CARD10: variants seen among roughly 807,000 people sequenced by gnomAD.
The protein encoded by CARD10 is caspase recruitment domain family member 10, also known as caspase recruitment domain-containing protein 10.
In CARD10, 49 loss-of-function variants were observed where a neutral mutation model predicts 114.6. The observed-to-expected ratio is 0.43, with a 90% confidence interval of 0.34 to 0.54. The LOEUF (loss-of-function observed/expected upper bound fraction) is 0.54. CARD10 is among the 20% of genes least tolerant of loss of function. CARD10 has a pLI of 0.03. For missense variants in CARD10, 1,206 were observed against 1,397.2 expected, an observed-to-expected ratio of 0.86 and a Z score of 2.18; for synonymous variants, 602 against 593.2, an observed-to-expected ratio of 1.01 and a Z score of -0.21.
rs2145755506 is a variant in CARD10 at position 37,496,995 on chromosome 22, C to G, written c.1947+24G>C. 6.3e-7 allele frequency: 1 copy of G among 1,582,614 alleles called. No homozygotes were observed. Among genetic ancestry groups the G allele is most frequent in the Non-Finnish European group, 8.6e-7 (1 of 1,165,862 alleles). On this transcript the variant is annotated intron_variant, in intron 12 of 19. Coordinates refer to ENST00000251973, the MANE Select transcript of CARD10 (RefSeq NM_014550.4). The surrounding 1 kb of genome is among the most constrained non-coding windows in gnomAD (Gnocchi z 4.1). The stretch of plus-strand genomic sequence containing the variant: ...GGGCAAAAGCACTGACCCTACCCCC[C>G]CAGCTCAGGAGGCAGGGCCTCACCT...
At position 37,496,399 on chromosome 22, in the gene CARD10, T is replaced by C; in HGVS notation, c.2059+50A>G. 7.2e-7 allele frequency: 1 copy of C among 1,380,180 alleles called. No individual in the cohort carries two copies. Among genetic ancestry groups the C allele is most frequent in the Non-Finnish European group, 1.0e-6 (1 of 975,894 alleles). 85.5% of individuals were successfully genotyped at this position (1,380,180 alleles called of 1,614,324 possible). ...CCCTCCCCACCCCATGCACCACGGG[T>C]TAGAGGACCCCTCTGGGGCCAACAG... is the stretch of plus-strand genomic sequence containing the variant. On this transcript the variant is annotated intron_variant, in intron 13 of 19. Coordinates refer to ENST00000251973, the MANE Select transcript of CARD10 (RefSeq NM_014550.4). This position sits in a 1 kb window ranked among gnomAD's most constrained non-coding sequence, Gnocchi z 4.1.
intron 11 of CARD10, among the ~76,000 whole-genome samples, chr22:37,498,472 G>C (rs1418093675): frequency 6.6e-6 from 1 of 152,230 alleles, no homozygotes; most frequent in African/African-American, 2.4e-5. Context: ...TGGCTGGAGA[G>C]GCAGCGGGGC....
rs1290797343 is a variant in CARD10 at position 37,519,289 on chromosome 22, G to C, written c.-89C>G. 7.4e-7 allele frequency: 1 copy of C among 1,360,162 alleles called. No homozygotes were observed. Among genetic ancestry groups the C allele is most frequent in the Non-Finnish European group, 9.4e-7 (1 of 1,059,838 alleles). The allele number at this position is 1,360,162 out of a possible 1,614,324, so 84.3% of individuals were successfully genotyped here. A position where few individuals can be genotyped will look rare whatever the true frequency, so the allele number is the denominator to read the frequency against. ...AGATGTGCGGCCAAGCACCCCCGGG[G>C]CGTCGTCCGCAGACCCGCCGTCGGG... On this transcript the variant is annotated 5_prime_UTR_variant, in exon 1 of 20. Transcript: ENST00000251973. This position sits in a 1 kb window ranked among gnomAD's most constrained non-coding sequence, Gnocchi z 4.1.
chr22:37,496,515 C>T lies in CARD10; in HGVS notation c.1993G>A (p.Glu665Lys), dbSNP rs780670759. 2.7e-5 allele frequency: 43 copies of T among 1,613,764 alleles called. No individual in the cohort carries two copies. Among genetic ancestry groups the T allele is most frequent in the Non-Finnish European group, 3.1e-5 (36 of 1,179,944 alleles). ...CAGAGCAAGGTTCTCTGCTGGGCCT[C>T]GGCTTCCAGGCACGCCCCCTCCAGA... The part of the protein sequence containing the change: ...AGLEGACLEA[E>K]AQQRTLLWNQ... The change falls in exon 13 of 20, where the codon GAG (glutamate) becomes AAG (lysine). Residue 665 changes from glutamate to lysine, a missense_variant. This residue lies in a region of CARD10 where 1,068 missense variants were observed against 1,179.1 expected (regional missense o/e 0.91). Transcript: ENST00000251973. The surrounding 1 kb of genome is among the most constrained non-coding windows in gnomAD (Gnocchi z 4.1).
intron 11 of CARD10, among the ~76,000 whole-genome samples, chr22:37,499,828 G>A (rs943108026): frequency 6.6e-6 from 1 of 151,968 alleles, no homozygotes; most frequent in African/African-American, 2.4e-5. Flanking sequence ...ACAAGCAGGA[G>A]GGGTAGAGAA....
At chr22:37,514,394 G>C (rs963466632) in intron 3 of CARD10, among the ~76,000 whole-genome samples, 1 of 152,088 alleles carries the variant, frequency 6.6e-6, no homozygotes, top group Non-Finnish European at 1.5e-5. Flanking sequence ...TTTCACAGTA[G>C]AGCAGGCCTG....
At position 37,495,946 on chromosome 22, in the gene CARD10, G is replaced by A. The variant is rs779872538; in HGVS notation, c.2117C>T (p.Pro706Leu). The stretch of plus-strand genomic sequence containing the variant: ...GGTGAGGTTGGCACGAATGTAGAAG[G>A]GCTCGGCACCTGGTCCCTTTGCCCA... ...EAWAKGPGAE[P>L]FYIRANLTLP... is the part of the protein sequence containing the mutation. The change falls in exon 14 of 20, where the codon CCC becomes CTC. Residue 706 changes from proline to leucine, a missense_variant. Pro to Leu is a moderately conservative substitution (Grantham distance 98). Transcript: ENST00000251973. 6.2e-7 allele frequency: 1 copy of A among 1,614,172 alleles called. No individual in the cohort carries two copies. Among genetic ancestry groups the A allele is most frequent in the East Asian group, 2.2e-5 (1 of 44,876 alleles).
At chr22:37,512,053 G>A (rs1404404795) in intron 3 of CARD10, 2 of 152,114 alleles carry the variant, frequency 1.3e-5, no homozygotes, top group African/African-American at 4.8e-5. Context: ...ACTATGAAGG[G>A]CTACAGAGCT....
At position 37,512,465 on chromosome 22, in the gene CARD10, CCACACACACACACACACACACACA is replaced by C. The variant is rs36080549; in HGVS notation, c.700-2068_700-2045del. Among the ~76,000 whole-genome samples the C allele has an allele frequency of 6.1e-5, 7 of 113,854 alleles. 1 individual carries two copies. Among genetic ancestry groups the C allele is most frequent in the East Asian group, 2.7e-4 (1 of 3,722 alleles). 74.7% of individuals were successfully genotyped at this position (113,854 alleles called of 152,430 possible). A position where few individuals can be genotyped will look rare whatever the true frequency, so the allele number is the denominator to read the frequency against. On this transcript the variant is annotated intron_variant, in intron 3 of 19. Transcript: ENST00000251973. The stretch of plus-strand genomic sequence containing the variant: ...AGAGGTTAGAATGGCAGCCCCCCCT[CCACACACACACACACACACACACA>C]CACACACACACACACACACACACAC...
intron 3 of CARD10, 106 bp from the exon 4 acceptor site, chr22:37,510,527 C>T: frequency 1.0e-6 from 1 of 963,494 alleles, no homozygotes; most frequent in Non-Finnish European, 1.5e-6. Context: ...CCCAGATTCC[C>T]AGAGAAGCCG....
At chr22:37,498,971 C>T (rs1923113719) in intron 11 of CARD10, among the ~76,000 whole-genome samples, 1 of 151,954 alleles carries the variant, frequency 6.6e-6, no homozygotes, top group Non-Finnish European at 1.5e-5. Flanking sequence ...ACTCTGGGGC[C>T]TCCAAACTGC....
chr22:37,491,903 GC>G (rs1468451367), intron 18 of CARD10, 36 bp from the exon 19 acceptor site: 2 of 1,437,950 alleles, frequency 1.4e-6, no homozygotes, highest in East Asian at 2.3e-5. Flanking sequence ...GTACTCCTGG[GC>G]CACAGACATC....
intron 11 of CARD10, 72 bp from the exon 12 acceptor site, chr22:37,497,250 A>C: frequency 6.8e-7 from 1 of 1,477,324 alleles, no homozygotes; most frequent in Non-Finnish European, 9.1e-7. Flanking sequence ...TTCTTGGAAA[A>C]CCACAGTGAT....
intron 15 of CARD10, 85 bp downstream of exon 15, chr22:37,495,432 G>C: frequency 9.5e-7 from 1 of 1,051,894 alleles, no homozygotes; most frequent in East Asian, 2.6e-5. Flanking sequence ...TGTCTTCCTA[G>C]GTTGCCAGAG....
At chr22:37,513,120 T>C (rs1923718873) in intron 3 of CARD10, among the ~76,000 whole-genome samples, 1 of 152,146 alleles carries the variant, frequency 6.6e-6, no homozygotes, top group Non-Finnish European at 1.5e-5. Context: ...TTTTTTGTTG[T>C]TGTTTTTTGA....
Position 37,491,347 on chromosome 22 carries a change from G to T in CARD10, c.2911C>A (p.Gln971Lys). ...PGWRDSELLR[Q>K]CRGSEQVLWG... Reference sequence around the variant, plus strand: ...AGCACCTGCTCTGAGCCACGGCACTGCCGCAGCAGCTCTGAGTCCCGCCAG... The same window carrying T: ...AGCACCTGCTCTGAGCCACGGCACTTCCGCAGCAGCTCTGAGTCCCGCCAG... The change falls in exon 20 of 20, where the codon CAG becomes AAG. Residue 971 changes from glutamine to lysine, a missense_variant. Gln to Lys is a moderately conservative substitution (Grantham distance 53). Transcript: ENST00000251973. The T allele has an allele frequency of 6.5e-7, 1 of 1,538,734 alleles. No individual in the cohort carries two copies.
chr22:37,504,352 C>T (rs1368206738), intron 8 of CARD10, 51 bp from the exon 9 acceptor site: 4 of 1,284,428 alleles, frequency 3.1e-6, no homozygotes, highest in Non-Finnish European at 3.2e-6. Context: ...AGCACCATCC[C>T]AGTCCTCAGC....
At chr22:37,497,514 G>A (rs534775034) in intron 11 of CARD10, among the ~76,000 whole-genome samples, 3 of 152,086 alleles carry the variant, frequency 2.0e-5, no homozygotes, top group Non-Finnish European at 2.9e-5. Context: ...ATACTGTTCC[G>A]CTCTGTAGCC....
intron 15 of CARD10, 68 bp downstream of exon 15, chr22:37,495,449 G>A: frequency 2.3e-6 from 3 of 1,290,272 alleles, no homozygotes; most frequent in Non-Finnish European, 3.3e-6. Context: ...AGAGAACAGA[G>A]CCTGCTAGCT....
Sources: gnomAD v4.1 joint callset for allele counts (sites outside exome capture counted in the v4.1 genomes callset) on GRCh38, gnomAD v4.1.1 for gene constraint, gnomAD v4.1.1 regional missense constraint, Gnocchi (gnomAD v3.1) non-coding constraint, MANE v1.5 for transcripts, NCBI Gene and HGNC (gene_info 2026-07-23, HGNC 2026-07-21) for gene names.